The following CFAP44 variants were observed in gnomAD, a reference collection of about 807,000 sequenced individuals.
CFAP44 encodes the protein cilia- and flagella-associated protein 44.
In CFAP44, 134 loss-of-function variants were observed where a neutral mutation model predicts 216.2. That is an observed-to-expected ratio of 0.62 (90% CI 0.54 to 0.72). The LOEUF (loss-of-function observed/expected upper bound fraction) is 0.72. Among genes scored for constraint, CFAP44 ranks in the 30% least tolerant of loss-of-function variants. The pLI is 0.00. For synonymous variants in CFAP44, 700 were observed against 727.6 expected (o/e 0.96, Z 0.61); for missense variants, 2,035 against 2,182.1 (o/e 0.93, Z 1.34).
Position 113,426,226 on chromosome 3 carries a change from T to G in CFAP44, c.305A>C (p.Lys102Thr), listed in dbSNP as rs1309369502. The change falls in exon 4 of 35, where the codon AAG (lysine) becomes ACG (threonine). Residue 102 changes from lysine to threonine, a missense_variant. Lys to Thr is a moderately conservative substitution (Grantham distance 78, BLOSUM62 -1). This residue lies in a region of CFAP44 where 149 missense variants were observed against 141.8 expected (regional missense o/e 1.05). Coordinates refer to ENST00000393845, the MANE Select transcript of CFAP44 (RefSeq NM_001164496.2). ...PAVEEAEEEVKKKISESFFYD... is the reference protein window; with the variant it reads ...PAVEEAEEEVTKKISESFFYD... The stretch of plus-strand genomic sequence containing the variant: ...GAAGAAGCTCTCTGATATTTTCTTC[T>G]TAACTTCCTCCTCTGCTTCTTCCAC... The G allele has an allele frequency of 1.2e-6, 2 of 1,614,178 alleles. No homozygotes were observed. The highest frequency in any genetic ancestry group is 2.2e-5 in the South Asian group (2 of 91,084).
intron 19 of CFAP44, among the ~76,000 whole-genome samples, chr3:113,365,131 G>C (rs1366126001): frequency 1.3e-5 from 2 of 152,032 alleles, no homozygotes; most frequent in Non-Finnish European, 2.9e-5. Context: ...TATCCAATAT[G>C]GGTTTCTATA....
Position 113,433,668 on chromosome 3 carries a change from C to T in CFAP44, c.-4G>A. The T allele has an allele frequency of 6.2e-7, 1 of 1,609,250 alleles. No homozygotes were observed. Among genetic ancestry groups the T allele is most frequent in the Non-Finnish European group, 8.5e-7 (1 of 1,176,910 alleles). ...CCTGATCATCTGGTTCCTTCATTTC[C>T]TCTGTAAGTACAAAATGGGGATGAG... On this transcript the variant is annotated splice_region_variant and 5_prime_UTR_variant, in exon 2 of 35. Coordinates refer to ENST00000393845, the MANE Select transcript of CFAP44 (RefSeq NM_001164496.2).
chr3:113,379,228 T>C (rs1347038355), intron 17 of CFAP44, 78 bp downstream of exon 17: 1 of 1,051,418 alleles, frequency 9.5e-7, no homozygotes. Context: ...AACATAAGAG[T>C]AAGAAAGAAT....
intron 15 of CFAP44, among the ~76,000 whole-genome samples, chr3:113,385,150 C>G (rs1273130439): frequency 1.3e-5 from 2 of 152,190 alleles, no homozygotes; most frequent in East Asian, 3.9e-4. Flanking sequence ...TCCCTTAGCT[C>G]TTCCTTTGTC....
chr3:113,425,049 A>G (rs1045252424), intron 4 of CFAP44, among the ~76,000 whole-genome samples: 1 of 152,156 alleles, frequency 6.6e-6, no homozygotes, highest in Non-Finnish European at 1.5e-5. Flanking sequence ...CCCATTTGGG[A>G]AAAAAAGGCT....
In CFAP44 at chr3:113,290,645, G is replaced by T. The variant is rs1949820380; in HGVS notation, c.*912C>A. On this transcript the variant is annotated 3_prime_UTR_variant, in exon 35 of 35. Transcript: ENST00000393845. Reference sequence around the variant, plus strand: ...TGAGCACTTACCCCCAAACCAAAAGGATACTCTTCAATTAGTTTAAAATGT... The same window carrying T: ...TGAGCACTTACCCCCAAACCAAAAGTATACTCTTCAATTAGTTTAAAATGT... 6.6e-6 allele frequency: 1 copy of T among 152,122 alleles called. No individual in the cohort carries two copies. Among genetic ancestry groups the T allele is most frequent in the Admixed American group, 6.5e-5 (1 of 15,274 alleles). 9.4% of individuals were successfully genotyped at this position (152,122 alleles called of 1,614,324 possible).
chr3:113,387,994 C>A (rs1933694634), intron 15 of CFAP44, among the ~76,000 whole-genome samples: 1 of 152,120 alleles, frequency 6.6e-6, no homozygotes, highest in African/African-American at 2.4e-5. Flanking sequence ...GGAAGGACTG[C>A]ATTTCATGGT....
intron 6 of CFAP44, among the ~76,000 whole-genome samples, chr3:113,410,341 T>C (rs932422092): frequency 6.6e-6 from 1 of 152,098 alleles, no homozygotes; most frequent in Non-Finnish European, 1.5e-5. Flanking sequence ...ATGTTCCCCT[T>C]CCTGTGTCCA....
intron 24 of CFAP44, 89 bp downstream of exon 24, chr3:113,341,655 C>G: frequency 8.0e-7 from 1 of 1,246,464 alleles, no homozygotes; most frequent in Non-Finnish European, 1.0e-6. Flanking sequence ...TAAATGATAA[C>G]AATGTCAATA....
In CFAP44 at chr3:113,306,191, A is replaced by ATCACCATACTTTTTTTGACAATG; in HGVS notation, c.4745_4758+9dup. 6.5e-7 allele frequency: 1 copy of ATCACCATACTTTTTTTGACAATG among 1,534,692 alleles called. No individual in the cohort carries two copies. The highest frequency in any genetic ancestry group is 8.7e-7 in the Non-Finnish European group (1 of 1,146,072). On this transcript the variant is annotated intron_variant, in intron 30 of 34. Transcript: ENST00000393845. ...TTTGAGAGGATAAATAAGTAAACAG[A>ATCACCATACTTTTTTTGACAATG]TCACCATACTTTTTTTGACAATGTA... is the stretch of plus-strand genomic sequence containing the variant.
chr3:113,423,090 G>A (rs1387189570), intron 4 of CFAP44, among the ~76,000 whole-genome samples: 2 of 147,406 alleles, frequency 1.4e-5, no homozygotes, highest in East Asian at 2.0e-4. Flanking sequence ...GTGCATAACT[G>A]GAATCTGATC....
intron 6 of CFAP44, among the ~76,000 whole-genome samples, chr3:113,415,679 G>A (rs941753651): frequency 1.3e-5 from 2 of 152,290 alleles, no homozygotes; most frequent in Non-Finnish European, 2.9e-5. Flanking sequence ...GGTTTTTAGT[G>A]AGTTTCTTAA....
chr3:113,411,255 CTTCTAGGG>C (rs1934461211), intron 6 of CFAP44, among the ~76,000 whole-genome samples: 2 of 152,184 alleles, frequency 1.3e-5, no homozygotes, highest in South Asian at 4.1e-4. Flanking sequence ...CCTAGGTTCT[CTTCTAGGG>C]TTTTTATGGT....
At chr3:113,409,380 CAT>C (rs1934389217) in intron 6 of CFAP44, 58 bp from the exon 7 acceptor site, 1 of 1,504,962 alleles carries the variant, frequency 6.6e-7, no homozygotes, top group Non-Finnish European at 9.1e-7. Flanking sequence ...TTTTCAAAAA[CAT>C]ATTGTAAAAA....
At chr3:113,340,890 G>C (rs1950326703) in intron 24 of CFAP44, among the ~76,000 whole-genome samples, 1 of 152,192 alleles carries the variant, frequency 6.6e-6, no homozygotes, top group Admixed American at 6.5e-5. Flanking sequence ...AGTGGAAGTA[G>C]CTCTCCACCA....
rs544669054 is a variant in CFAP44 at position 113,435,629 on chromosome 3, T to C, written c.-5-1960A>G. 2.7e-3 allele frequency among the ~76,000 whole-genome samples: 408 copies of C among 151,766 alleles called. 3 individuals carry two copies. The highest frequency in any genetic ancestry group is 0.014 in the Middle Eastern group (4 of 292). ...CTGTAGTCCCAGCTACTCAGGAGGC[T>C]GAGGCAGGAGGATCACTTGAGCCCA... is the stretch of plus-strand genomic sequence containing the variant. On this transcript the variant is annotated intron_variant, in intron 1 of 34. Transcript: ENST00000393845.
chr3:113,417,645 A>C (rs749171251), intron 5 of CFAP44, among the ~76,000 whole-genome samples: 4 of 152,144 alleles, frequency 2.6e-5, no homozygotes, highest in Non-Finnish European at 4.4e-5. Context: ...ATTTCCTTTA[A>C]ATTTTATACC....
chr3:113,389,106 G>T (rs1933728130), intron 15 of CFAP44, among the ~76,000 whole-genome samples: 2 of 152,124 alleles, frequency 1.3e-5, no homozygotes, highest in African/African-American at 4.8e-5. Context: ...TAATTCTTAA[G>T]AACAGACCAT....
At chr3:113,327,530 G>A in intron 27 of CFAP44, 86 bp downstream of exon 27, 1 of 1,210,250 alleles carries the variant, frequency 8.3e-7, no homozygotes, top group Non-Finnish European at 1.1e-6. Flanking sequence ...TAGAACAAGT[G>A]GGAGATTTGA....
Sources: allele counts gnomAD v4.1 joint callset (sites outside exome capture counted in the v4.1 genomes callset), GRCh38; gene constraint gnomAD v4.1.1; regional missense constraint gnomAD v4.1.1; transcripts MANE v1.5; gene names NCBI Gene and HGNC (gene_info 2026-07-23, HGNC 2026-07-21).